Variants in DRC8 observed in about 807,000 individuals in gnomAD.
DRC8 encodes dynein regulatory complex subunit 8, also known as dynein regulatory complex protein 8.
the DRC8 span, among the ~76,000 whole-genome samples, chr1:245,120,837 G>A: frequency 1.3e-5 from 2 of 152,224 alleles, no homozygotes; most frequent in Admixed American, 1.3e-4. Flanking sequence ...TGCAATTTGG[G>A]CAGATTACCA....
At chr1:245,036,692 G>A in the DRC8 span, among the ~76,000 whole-genome samples, 3 of 152,308 alleles carry the variant, frequency 2.0e-5, no homozygotes, top group South Asian at 2.1e-4. Flanking sequence ...GTGTTACAAC[G>A]CGGATGAACC....
the DRC8 span, among the ~76,000 whole-genome samples, chr1:245,075,986 C>G: frequency 1.3e-5 from 2 of 152,198 alleles, no homozygotes; most frequent in Admixed American, 1.3e-4. Flanking sequence ...GCCCTCTAGA[C>G]ATGGGGCGAG....
the DRC8 span, among the ~76,000 whole-genome samples, chr1:245,084,060 C>CCG: frequency 4.4e-5 from 2 of 45,668 alleles, no homozygotes; most frequent in Admixed American, 2.8e-4. Context: ...TATAAAAATT[C>CCG]CGCCCCCCCC....
At chr1:245,000,831 A>G in the DRC8 span, among the ~76,000 whole-genome samples, 2 of 152,192 alleles carry the variant, frequency 1.3e-5, no homozygotes, top group African/African-American at 2.4e-5. Context: ...GAGGTGCTCA[A>G]TAAATATTAT....
the DRC8 span, among the ~76,000 whole-genome samples, chr1:245,075,242 ACACCT>A: frequency 2.6e-4 from 40 of 152,312 alleles, no homozygotes; most frequent in African/African-American, 9.4e-4. Flanking sequence ...TCCCGTCAAA[ACACCT>A]GCCGGACCCT....
At chr1:245,076,116 A>T in the DRC8 span, among the ~76,000 whole-genome samples, 1 of 152,222 alleles carries the variant, frequency 6.6e-6, no homozygotes, top group Non-Finnish European at 1.5e-5. Context: ...ACTTCTGTAT[A>T]AACAGGTGGG....
chr1:245,091,342 C>G, the DRC8 span: 4 of 152,394 alleles, frequency 2.6e-5, no homozygotes, highest in Non-Finnish European at 4.4e-5. Context: ...CGTGTGCTAG[C>G]GCCCAGTGCG....
the DRC8 span, among the ~76,000 whole-genome samples, chr1:245,051,449 T>C: frequency 6.6e-6 from 1 of 151,664 alleles, no homozygotes; most frequent in East Asian, 1.9e-4. Flanking sequence ...GCCAGAAGCT[T>C]GGGGGTAGGG....
chr1:245,060,246 G>A, the DRC8 span, among the ~76,000 whole-genome samples: 1 of 152,190 alleles, frequency 6.6e-6, no homozygotes, highest in African/African-American at 2.4e-5. Flanking sequence ...AATTGTGACC[G>A]TGGTGAGTCA....
At chr1:245,022,393 G>A in the DRC8 span, among the ~76,000 whole-genome samples, 2 of 151,604 alleles carry the variant, frequency 1.3e-5, no homozygotes, top group Admixed American at 1.3e-4. Flanking sequence ...CGAATTCCTG[G>A]CCTCAAGTGA....
the DRC8 span, among the ~76,000 whole-genome samples, chr1:244,984,008 G>A: frequency 6.6e-6 from 1 of 151,894 alleles, no homozygotes; most frequent in South Asian, 2.1e-4. Flanking sequence ...AGGCTGGAGT[G>A]CAGTGGCCCA....
chr1:245,006,733 A>G, the DRC8 span, among the ~76,000 whole-genome samples: 2 of 152,174 alleles, frequency 1.3e-5, no homozygotes, highest in Non-Finnish European at 2.9e-5. Flanking sequence ...CAGAAGTTTG[A>G]GACCAGCCTG....
the DRC8 span, among the ~76,000 whole-genome samples, chr1:245,032,032 T>C: frequency 2.6e-5 from 4 of 152,208 alleles, no homozygotes; most frequent in Admixed American, 6.5e-5. Flanking sequence ...GTAAACTCCA[T>C]CTTTACCATG....
At chr1:245,071,876 C>T in the DRC8 span, among the ~76,000 whole-genome samples, 2,267 of 152,260 alleles carry the variant, frequency 0.015, 31 homozygotes, top group Non-Finnish European at 0.02. Context: ...GCTGTGCAGT[C>T]ATTACAAGTA....
chr1:245,124,973 A>G, the DRC8 span: 3 of 152,078 alleles, frequency 2.0e-5, no homozygotes, highest in Admixed American at 2.0e-4. Context: ...CTACAACCCT[A>G]TGCCTCGGCG....
At chr1:244,982,706 A>C in the DRC8 span, among the ~76,000 whole-genome samples, 1 of 152,174 alleles carries the variant, frequency 6.6e-6, no homozygotes, top group Non-Finnish European at 1.5e-5. Context: ...AACACCCAAG[A>C]ACCATGGGAT....
the DRC8 span, among the ~76,000 whole-genome samples, chr1:245,066,280 T>A: frequency 6.6e-5 from 10 of 152,368 alleles, no homozygotes; most frequent in Admixed American, 4.6e-4. Flanking sequence ...TTCATTGATA[T>A]TTGATTAGTC....
At chr1:244,976,158 A>T in the DRC8 span, among the ~76,000 whole-genome samples, 1 of 151,676 alleles carries the variant, frequency 6.6e-6, no homozygotes, top group Non-Finnish European at 1.5e-5. Flanking sequence ...TATCCCAGCT[A>T]CTCTAGAGGT....
At chr1:244,982,606 A>G in the DRC8 span, among the ~76,000 whole-genome samples, 2 of 152,194 alleles carry the variant, frequency 1.3e-5, no homozygotes, top group East Asian at 1.9e-4. Flanking sequence ...CATAGACTCA[A>G]TGTGGCTGAG....
Sources: gnomAD v4.1 joint callset for allele counts (sites outside exome capture counted in the v4.1 genomes callset) on GRCh38, gnomAD v4.1.1 for gene constraint, MANE v1.5 for transcripts, NCBI Gene and HGNC (gene_info 2026-07-23, HGNC 2026-07-21) for gene names.